Variants in PPFIA1 observed in about 807,000 individuals in gnomAD.
The protein encoded by PPFIA1 is PPFI scaffold protein A1.
Under a neutral mutation model 149.9 loss-of-function variants are expected in PPFIA1, and 25 were observed. The observed-to-expected ratio is 0.17, with a 90% CI of 0.12 to 0.23. The LOEUF (loss-of-function observed/expected upper bound fraction) is 0.23. PPFIA1 is among the 10% of genes least tolerant of loss of function. The pLI is 1.00. For missense variants in PPFIA1, 1,362 were observed against 1,506.5 expected, an observed-to-expected ratio of 0.90 and a Z score of 1.59; for synonymous variants, 549 against 552.8, an observed-to-expected ratio of 0.99 and a Z score of 0.10.
At chr11:70,298,684 C>T (rs985118191) in intron 2 of PPFIA1, among the ~76,000 whole-genome samples, 2 of 152,156 alleles carry the variant, frequency 1.3e-5, no homozygotes, top group African/African-American at 2.4e-5. Flanking sequence ...AGAGGGCTTC[C>T]CTGGGCTCGG....
chr11:70,303,031 C>T (rs1045692473), intron 2 of PPFIA1, among the ~76,000 whole-genome samples: 2 of 152,204 alleles, frequency 1.3e-5, no homozygotes, highest in Admixed American at 6.5e-5. Flanking sequence ...AAGACCATGT[C>T]ACAGGCTGAA....
intron 2 of PPFIA1, among the ~76,000 whole-genome samples, chr11:70,287,410 C>A (rs1249274412): frequency 6.6e-6 from 1 of 152,080 alleles, no homozygotes; most frequent in Non-Finnish European, 1.5e-5. Context: ...TAATTTGGTG[C>A]AGCTCTTTCA....
At chr11:70,329,166 CT>C (rs1359616782) in intron 7 of PPFIA1, among the ~76,000 whole-genome samples, 1 of 152,132 alleles carries the variant, frequency 6.6e-6, no homozygotes, top group African/African-American at 2.4e-5. Flanking sequence ...GCACCCTGTC[CT>C]GTGTGAGACC....
At chr11:70,340,258 A>G (rs1227275868) in intron 14 of PPFIA1, among the ~76,000 whole-genome samples, 1 of 152,114 alleles carries the variant, frequency 6.6e-6, no homozygotes, top group African/African-American at 2.4e-5. Context: ...CCTGGGCATC[A>G]TAGTAGGACC....
rs144736256 is a variant in PPFIA1 at position 70,369,668 on chromosome 11, C to T, written c.2866-2547C>T. 4.6e-5 allele frequency among the ~76,000 whole-genome samples: 7 copies of T among 152,250 alleles called. No homozygotes were observed. In the East Asian group the frequency reaches 1.4e-3, roughly 29 times the overall value. On this transcript the variant is annotated intron_variant, in intron 21 of 27. Transcript: ENST00000253925. ...AGGTTCTAATAGAGATACGTGTTAC[C>T]TGTTTCTGAGAAGCTTTGGTAGTTT... is the stretch of plus-strand genomic sequence containing the variant.
chr11:70,307,811 A>G (rs938524008), intron 2 of PPFIA1, among the ~76,000 whole-genome samples: 2 of 152,156 alleles, frequency 1.3e-5, no homozygotes, highest in African/African-American at 4.8e-5. Flanking sequence ...CTGTGGTCCC[A>G]GCTACTTAGG....
intron 24 of PPFIA1, among the ~76,000 whole-genome samples, chr11:70,376,261 T>G (rs1312749357): frequency 6.6e-6 from 1 of 152,206 alleles, no homozygotes; most frequent in Non-Finnish European, 1.5e-5. Flanking sequence ...AGTACTGGGA[T>G]TACAGGCATG....
At chr11:70,353,061 A>G (rs1427427455) in intron 16 of PPFIA1, among the ~76,000 whole-genome samples, 1 of 152,162 alleles carries the variant, frequency 6.6e-6, no homozygotes, top group African/African-American at 2.4e-5. Flanking sequence ...GAAATTAGGA[A>G]AGGATGCAGG....
chr11:70,372,256 C>T lies in PPFIA1; in HGVS notation c.2907C>T (p.Asn969=), dbSNP rs150795805. The T allele has an allele frequency of 3.7e-4, 604 of 1,614,180 alleles. 1 individual carries two copies. The African/African-American group carries it at 6.8e-3, about 18-fold the overall frequency. The part of the protein sequence containing the change: ...YGDMNHEWIG[N]EWLPSLGLPQ... ...ACATGAACCACGAGTGGATCGGCAA[C>T]GAGTGGCTCCCCAGCCTGGGCCTCC... The change falls in exon 22 of 28, where the codon AAC becomes AAT. Residue 969 remains asparagine, a synonymous_variant. Coordinates refer to ENST00000253925, the MANE Select transcript of PPFIA1 (RefSeq NM_003626.5).
At chr11:70,360,471 G>T (rs2135199887) in intron 19 of PPFIA1, among the ~76,000 whole-genome samples, 1 of 152,370 alleles carries the variant, frequency 6.6e-6, no homozygotes, top group Non-Finnish European at 1.5e-5. Flanking sequence ...GGCCCCGGAC[G>T]CTCAAAGCCT....
chr11:70,295,447 AG>A (rs1364568558), intron 2 of PPFIA1, among the ~76,000 whole-genome samples: 3 of 127,072 alleles, frequency 2.4e-5, no homozygotes, highest in African/African-American at 9.0e-5. Flanking sequence ...ACTTCCCAGT[AG>A]GGGCAGCCGG....
At chr11:70,278,219 T>C (rs564707372) in intron 2 of PPFIA1, among the ~76,000 whole-genome samples, 1 of 151,976 alleles carries the variant, frequency 6.6e-6, no homozygotes, top group Non-Finnish European at 1.5e-5. Context: ...TTTTTTTTTT[T>C]AAATGTGATG....
chr11:70,306,019 C>T (rs1238166503), intron 2 of PPFIA1, among the ~76,000 whole-genome samples: 1 of 152,114 alleles, frequency 6.6e-6, no homozygotes, highest in Non-Finnish European at 1.5e-5. Context: ...GATTATTTTT[C>T]AAGTAATGTT....
chr11:70,348,839 C>G (rs113472486), intron 16 of PPFIA1, among the ~76,000 whole-genome samples: 26,690 of 152,072 alleles, frequency 0.18, 3,044 homozygotes, highest in African/African-American at 0.31. Flanking sequence ...TCACTGCCCT[C>G]CAGCCTGGGC....
chr11:70,298,836 A>G (rs748883493), intron 2 of PPFIA1, among the ~76,000 whole-genome samples: 17 of 152,218 alleles, frequency 1.1e-4, no homozygotes, highest in Non-Finnish European at 2.2e-4. Flanking sequence ...GACACTTACC[A>G]TAGTAAGTTA....
intron 2 of PPFIA1, among the ~76,000 whole-genome samples, chr11:70,273,561 G>A (rs1361649994): frequency 6.6e-6 from 1 of 152,208 alleles, no homozygotes; most frequent in Non-Finnish European, 1.5e-5. Flanking sequence ...TGATGGGTCT[G>A]CAGTGATAAA....
intron 15 of PPFIA1, among the ~76,000 whole-genome samples, 162 bp from the exon 16 acceptor site, chr11:70,348,026 AT>A (rs2137215824): frequency 6.6e-6 from 1 of 152,292 alleles, no homozygotes; most frequent in Admixed American, 6.5e-5. Flanking sequence ...ATAAATAAAA[AT>A]TTAAAAAGAG....
chr11:70,309,794 C>T (rs1368106665), intron 2 of PPFIA1, among the ~76,000 whole-genome samples: 1 of 152,122 alleles, frequency 6.6e-6, no homozygotes, highest in East Asian at 1.9e-4. Context: ...ATGTCCGAAA[C>T]AGGCAGATAC....
chr11:70,340,164 G>A (rs1030087326), intron 14 of PPFIA1, among the ~76,000 whole-genome samples: 2 of 151,716 alleles, frequency 1.3e-5, no homozygotes, highest in Non-Finnish European at 2.9e-5. Context: ...AAAATTAGTT[G>A]GGTGTGGTAG....
Sources: gnomAD v4.1 joint callset for allele counts (sites outside exome capture counted in the v4.1 genomes callset) on GRCh38, gnomAD v4.1.1 for gene constraint, MANE v1.5 for transcripts, NCBI Gene and HGNC (gene_info 2026-07-23, HGNC 2026-07-21) for gene names.